CDC6: variants seen among roughly 807,000 people sequenced by gnomAD.
CDC6 encodes cell division cycle 6.
Under a neutral mutation model 60.2 loss-of-function variants are expected in CDC6, and 46 were observed. The ratio of observed to expected loss-of-function variants is 0.76; its 90% CI spans 0.60 to 0.98. The LOEUF (loss-of-function observed/expected upper bound fraction) is 0.98, where lower values mean the gene tolerates loss of function less well. Among genes scored for constraint, CDC6 ranks in the 50% least tolerant of loss-of-function variants. The pLI, the probability that CDC6 is intolerant of heterozygous loss-of-function variation, is 0.00. For missense variants in CDC6, 596 were observed against 652.9 expected, an observed-to-expected ratio of 0.91 and a Z score of 0.95; for synonymous variants, 210 against 233.2, an observed-to-expected ratio of 0.90 and a Z score of 0.90.
chr17:40,300,415 T>G (rs926994077), intron 9 of CDC6, among the ~76,000 whole-genome samples: 2 of 152,124 alleles, frequency 1.3e-5, no homozygotes, highest in Non-Finnish European at 2.9e-5. Context: ...GAGGATCACT[T>G]GAACCCAGGA....
chr17:40,302,083 G>T lies in CDC6; in HGVS notation c.*82G>T. The T allele has an allele frequency of 1.2e-6, 1 of 847,272 alleles. No homozygotes were observed. 52.5% of individuals were successfully genotyped at this position (847,272 alleles called of 1,614,324 possible). A position where few individuals can be genotyped will look rare whatever the true frequency, so the allele number is the denominator to read the frequency against. On this transcript the variant is annotated 3_prime_UTR_variant, in exon 12 of 12. Coordinates refer to ENST00000209728, the MANE Select transcript of CDC6 (RefSeq NM_001254.4). Reference sequence around the variant, plus strand: ...CTTCATTTTAGTGCTTTACACATTCGGGCCTGAAAACAAATATGACCTTTT... The same window carrying T: ...CTTCATTTTAGTGCTTTACACATTCTGGCCTGAAAACAAATATGACCTTTT...
Position 40,290,923 on chromosome 17 carries a change from A to C in CDC6, c.179-135A>C, listed in dbSNP as rs1461226709. The C allele has an allele frequency of 3.5e-6, 3 of 860,256 alleles. No homozygotes were observed. In the African/African-American group the frequency reaches 5.0e-5, roughly 14 times the overall value. 53.3% of individuals were successfully genotyped at this position (860,256 alleles called of 1,614,324 possible). A position where few individuals can be genotyped will look rare whatever the true frequency, so the allele number is the denominator to read the frequency against. ...ATCTGGTGACCAATATTTGCTGCTA[A>C]GTGAGAAGGCATTTTATTTTGGTGG... is the stretch of plus-strand genomic sequence containing the variant. On this transcript the variant is annotated intron_variant, in intron 2 of 11. Coordinates refer to ENST00000209728, the MANE Select transcript of CDC6 (RefSeq NM_001254.4).
chr17:40,299,138 CTTTTTTTTTTTTTTTTTTTTTTT>C (rs67162965), intron 9 of CDC6, among the ~76,000 whole-genome samples: 1 of 60,802 alleles, frequency 1.6e-5, no homozygotes, highest in Non-Finnish European at 3.1e-5. Flanking sequence ...AGGCCATAGT[CTTTTTTTTTTTTTTTTTTTTTTT>C]TTTTTGAGAC....
Position 40,294,686 on chromosome 17 carries a change from G to A in CDC6, c.1083+183G>A, listed in dbSNP as rs145618195. On this transcript the variant is annotated intron_variant, in intron 7 of 11. Transcript: ENST00000209728. Reference sequence around the variant, plus strand: ...CTTCATTCATTTACTGGGTGTCTCAGTGTTGAAATAAAAGCAGGAGTTAGA... The same window carrying A: ...CTTCATTCATTTACTGGGTGTCTCAATGTTGAAATAAAAGCAGGAGTTAGA... 5.5e-4 allele frequency among the ~76,000 whole-genome samples: 83 copies of A among 150,454 alleles called. 1 individual carries two copies. Among genetic ancestry groups the A allele is most frequent in the African/African-American group, 1.9e-3 (78 of 41,062 alleles).
intron 6 of CDC6, 64 bp downstream of exon 6, chr17:40,294,120 G>A: frequency 7.8e-7 from 1 of 1,287,386 alleles, no homozygotes; most frequent in Admixed American, 1.7e-5. Context: ...TATATATTCA[G>A]CTTATTTATC....
chr17:40,298,878 G>T (rs926657363), intron 9 of CDC6, among the ~76,000 whole-genome samples: 3 of 152,196 alleles, frequency 2.0e-5, no homozygotes, highest in African/African-American at 7.2e-5. Flanking sequence ...GATTGTTCTA[G>T]AGAGGACTCG....
rs539296673 is a variant in CDC6, at chr17:40,296,341, A to AT, written c.1185-361dup. On this transcript the variant is annotated intron_variant, in intron 8 of 11. Transcript: ENST00000209728. ...ACACTACATATCCTCTCTCCTACCC[A>AT]TGACATTTTCTCCTCATCCAAAATG... Among the ~76,000 whole-genome samples the AT allele has an allele frequency of 8.5e-4, 129 of 152,190 alleles. No homozygotes were observed. In the Middle Eastern group the frequency reaches 0.02, roughly 24 times the overall value.
At chr17:40,298,652 C>T (rs1421344577) in intron 9 of CDC6, among the ~76,000 whole-genome samples, 1 of 152,180 alleles carries the variant, frequency 6.6e-6, no homozygotes, top group Non-Finnish European at 1.5e-5. Context: ...ATTCTCCTGC[C>T]TCAGCCTCCC....
intron 8 of CDC6, 51 bp from the exon 9 acceptor site, chr17:40,296,652 G>T (rs1234316695): frequency 9.9e-7 from 1 of 1,014,416 alleles, no homozygotes; most frequent in Non-Finnish European, 1.6e-6. Context: ...TGGTGGTTTG[G>T]TGTGTTTGGT....
rs1598520497 is a variant in CDC6, at chr17:40,303,661, T to A, written c.*1660T>A. On this transcript the variant is annotated 3_prime_UTR_variant, in exon 12 of 12. Coordinates refer to ENST00000209728, the MANE Select transcript of CDC6 (RefSeq NM_001254.4). ...CTAGAGTATTCGTTCCCTCTGAAGG[T>A]AGTTTGAACATGGAAACACAGTTCT... 6.6e-6 allele frequency: 1 copy of A among 152,194 alleles called. No individual in the cohort carries two copies. The highest frequency in any genetic ancestry group is 1.5e-5 in the Non-Finnish European group (1 of 68,034). 9.4% of individuals were successfully genotyped at this position (152,194 alleles called of 1,614,324 possible). A position where few individuals can be genotyped will look rare whatever the true frequency, so the allele number is the denominator to read the frequency against.
intron 11 of CDC6, 96 bp from the exon 12 acceptor site, chr17:40,301,816 T>C: frequency 9.9e-7 from 1 of 1,005,570 alleles, no homozygotes; most frequent in Non-Finnish European, 1.6e-6. Context: ...TGCTTGCCTT[T>C]TGTGAGAAAA....
chr17:40,297,793 A>G (rs142591655), intron 9 of CDC6, among the ~76,000 whole-genome samples: 10 of 152,334 alleles, frequency 6.6e-5, no homozygotes, highest in Middle Eastern at 3.4e-3. Context: ...AAGAAGAATT[A>G]TAAGTTCAAC....
chr17:40,291,428 A>C, intron 3 of CDC6, 41 bp from the exon 4 acceptor site: 1 of 1,612,912 alleles, frequency 6.2e-7, no homozygotes, highest in Admixed American at 1.7e-5. Context: ...CTTCTCATTC[A>C]CCTTCTGTTG....
At chr17:40,298,666 G>A (rs1268248026) in intron 9 of CDC6, among the ~76,000 whole-genome samples, 3 of 152,164 alleles carry the variant, frequency 2.0e-5, no homozygotes, top group Admixed American at 2.0e-4. Flanking sequence ...GCCTCCCACA[G>A]CTTTGGAATT....
intron 4 of CDC6, among the ~76,000 whole-genome samples, chr17:40,292,792 G>T (rs186685545): frequency 1.3e-5 from 2 of 150,998 alleles, no homozygotes; most frequent in African/African-American, 4.9e-5. Flanking sequence ...TTAGCCAGGC[G>T]TGGTGGCGAG....
At chr17:40,288,914 T>C (rs1192655486) in intron 1 of CDC6, among the ~76,000 whole-genome samples, 4 of 151,898 alleles carry the variant, frequency 2.6e-5, no homozygotes, top group Non-Finnish European at 4.4e-5. Flanking sequence ...TTGGTCAGGC[T>C]GGTCTCGAAC....
At chr17:40,289,757 G>A (rs375123591) in intron 2 of CDC6, among the ~76,000 whole-genome samples, 159 bp downstream of exon 2, 1 of 138,682 alleles carries the variant, frequency 7.2e-6, no homozygotes, top group South Asian at 2.2e-4. Flanking sequence ...CTCCCAGGCT[G>A]GAGTGCAATA....
chr17:40,302,195 A>G lies in CDC6; in HGVS notation c.*194A>G, dbSNP rs2032949964. On this transcript the variant is annotated 3_prime_UTR_variant, in exon 12 of 12. Transcript: ENST00000209728. ...TTGGGTCTTACTATTTTTACCCATA[A>G]AAGTGACCAGGTAGACCCTTTTTAA... 1.7e-6 allele frequency: 1 copy of G among 593,012 alleles called. No homozygotes were observed. The highest frequency in any genetic ancestry group is 1.9e-5 in the South Asian group (1 of 51,488). 36.7% of individuals were successfully genotyped at this position (593,012 alleles called of 1,614,324 possible).
At position 40,300,977 on chromosome 17, in the gene CDC6, T is replaced by C; in HGVS notation, c.1399T>C (p.Ser467Pro). 1 of 1,614,132 alleles carries C rather than the reference T, an allele frequency of 6.2e-7. No individual in the cohort carries two copies. The highest frequency in any genetic ancestry group is 8.5e-7 in the Non-Finnish European group (1 of 1,179,994). ...TCTTCAGCAGAAGATCTTGGTTTGCTCTTTGATGCTCTTGATCAGGCAGTT... is the reference window on the plus strand; with the variant it reads ...TCTTCAGCAGAAGATCTTGGTTTGCCCTTTGATGCTCTTGATCAGGCAGTT... Reference protein sequence around the residue: ...FPLQQKILVCSLMLLIRQLKI... With the variant: ...FPLQQKILVCPLMLLIRQLKI... The change falls in exon 10 of 12, where the codon TCT (serine) becomes CCT (proline). Residue 467 changes from serine (S) to proline (P), a missense_variant. Transcript: ENST00000209728.
Sources: allele counts gnomAD v4.1 joint callset (sites outside exome capture counted in the v4.1 genomes callset), GRCh38; gene constraint gnomAD v4.1.1; transcripts MANE v1.5; gene names NCBI Gene and HGNC (gene_info 2026-07-23, HGNC 2026-07-21).